The following CARD14 variants were observed in gnomAD, a reference collection of about 807,000 sequenced individuals.
The protein encoded by CARD14 is caspase recruitment domain-containing protein 14.
In CARD14, 107 loss-of-function variants were observed where a neutral mutation model predicts 111.5. That is an observed-to-expected ratio of 0.96 (90% CI 0.82 to 1.13). CARD14 has a LOEUF of 1.13. CARD14 is among the 50% of genes most tolerant of loss of function. The probability of loss-of-function intolerance (pLI) is 0.00; values close to 1 mark genes in which losing one functional copy is unlikely to be tolerated. For synonymous variants in CARD14, 617 were observed against 579.6 expected (o/e 1.06, Z -0.93); for missense variants, 1,322 against 1,362.3 (o/e 0.97, Z 0.47).
rs1269275079 is a variant in CARD14 at position 80,189,838 on chromosome 17, A to T, written c.929A>T (p.Glu310Val). 1 of 1,591,868 alleles carries T rather than the reference A, an allele frequency of 6.3e-7. No individual in the cohort carries two copies. The highest frequency in any genetic ancestry group is 1.7e-4 in the Middle Eastern group (1 of 5,966). The change falls in exon 9 of 24, where the codon GAG becomes GTG. Residue 310 changes from glutamate (E) to valine (V), a missense_variant. By Grantham distance (121) the Glu-to-Val change is moderately radical (BLOSUM62 -2). Transcript: ENST00000648509. This position sits in a 1 kb window ranked among gnomAD's most constrained non-coding sequence, Gnocchi z 4.7. ...ELVERIHSLR[E>V]RAVAAERQRE... ...GTGGAGCGCATCCACTCGCTGCGGG[A>T]GCGGGCCGTGGCTGCCGAGAGGCAG...
chr17:80,204,746 C>G (rs893613938), intron 20 of CARD14: 8 of 432,110 alleles, frequency 1.9e-5, no homozygotes, highest in African/African-American at 1.6e-4. Context: ...GGAAGAAAAC[C>G]CTGGCTTCCG....
In CARD14 at chr17:80,198,064, T is replaced by G; in HGVS notation, c.1595-35T>G. The G allele has an allele frequency of 6.2e-7, 1 of 1,610,572 alleles. No individual in the cohort carries two copies. The highest frequency in any genetic ancestry group is 8.5e-7 in the Non-Finnish European group (1 of 1,177,880). On this transcript the variant is annotated intron_variant, in intron 14 of 23. Coordinates refer to ENST00000648509, the MANE Select transcript of CARD14 (RefSeq NM_001366385.1). This position sits in a 1 kb window ranked among gnomAD's most constrained non-coding sequence, Gnocchi z 7.5. ...ACAGGACGCCCCATCAGCAGTGGGGTGACCAAGATCTGTGAGCTCTTGGCT... is the reference window on the plus strand; with the variant it reads ...ACAGGACGCCCCATCAGCAGTGGGGGGACCAAGATCTGTGAGCTCTTGGCT...
Position 80,181,501 on chromosome 17 carries a change from G to T in CARD14, c.63G>T (p.Glu21Asp). The T allele has an allele frequency of 6.3e-7, 1 of 1,588,458 alleles. No homozygotes were observed. The highest frequency in any genetic ancestry group is 1.7e-5 in the Admixed American group (1 of 57,160). The change falls in exon 5 of 24, where the codon GAG becomes GAT. Residue 21 changes from glutamate to aspartate, a missense_variant. Transcript: ENST00000648509. ...LTALDEETLW[E>D]MMESHRHRIV... ...CACTGGACGAGGAGACACTGTGGGA[G>T]ATGATGGAGAGCCACCGCCACAGGA... is the stretch of plus-strand genomic sequence containing the variant.
chr17:80,189,292 G>C lies in CARD14; in HGVS notation c.844-461G>C, dbSNP rs1448443371. 6.6e-6 allele frequency among the ~76,000 whole-genome samples: 1 copy of C among 152,150 alleles called. No homozygotes were observed. The highest frequency in any genetic ancestry group is 1.5e-5 in the Non-Finnish European group (1 of 68,026). On this transcript the variant is annotated intron_variant, in intron 8 of 23. Coordinates refer to ENST00000648509, the MANE Select transcript of CARD14 (RefSeq NM_001366385.1). This position sits in a 1 kb window ranked among gnomAD's most constrained non-coding sequence, Gnocchi z 4.7. ...CAACGACCCTTGGCGTCTCCTCCTC[G>C]GCCCCTCTCAGTAGATTGGTATTTA... is the stretch of plus-strand genomic sequence containing the variant.
chr17:80,199,164 A>G (rs2040840756), intron 16 of CARD14, among the ~76,000 whole-genome samples: 1 of 152,046 alleles, frequency 6.6e-6, no homozygotes, highest in Non-Finnish European at 1.5e-5. Flanking sequence ...GTTGTTACGA[A>G]ACGCACAAAA....
At chr17:80,176,188 C>T (rs2144100846) in intron 2 of CARD14, among the ~76,000 whole-genome samples, 1 of 148,890 alleles carries the variant, frequency 6.7e-6, no homozygotes, top group South Asian at 2.1e-4. Flanking sequence ...CTAGCACTTT[C>T]GGAGGCTGAG....
Position 80,182,656 on chromosome 17 carries a change from A to G in CARD14, c.215A>G (p.His72Arg). 6.2e-7 allele frequency: 1 copy of G among 1,613,976 alleles called. No individual in the cohort carries two copies. Among genetic ancestry groups the G allele is most frequent in the Non-Finnish European group, 8.5e-7 (1 of 1,179,976 alleles). Residue 72 changes from histidine to arginine, a missense_variant, in exon 6 of 24, where the codon CAC becomes CGC. Coordinates refer to ENST00000648509, the MANE Select transcript of CARD14 (RefSeq NM_001366385.1). This position sits in a 1 kb window ranked among gnomAD's most constrained non-coding sequence, Gnocchi z 4.7. ...RLTNSAMRAG[H>R]LLDLLKTRGK... ...ACAGACGGTTCTGCCTCCCAAGGGCACTTGCTGGATTTGCTGAAGACTCGA... is the reference window on the plus strand; with the variant it reads ...ACAGACGGTTCTGCCTCCCAAGGGCGCTTGCTGGATTTGCTGAAGACTCGA...
chr17:80,205,658 G>A lies in CARD14; in HGVS notation c.2691+6G>A. ...TGGAGTCCCTCATGGAAAAGGTGAG[G>A]TCAAGGGCGGGGTGGGCAGGGGAGC... On this transcript the variant is annotated splice_donor_region_variant and intron_variant, in intron 22 of 23. Coordinates refer to ENST00000648509, the MANE Select transcript of CARD14 (RefSeq NM_001366385.1). 1 of 1,497,156 alleles carries A rather than the reference G, an allele frequency of 6.7e-7. No homozygotes were observed. The highest frequency in any genetic ancestry group is 1.4e-5 in the African/African-American group (1 of 72,746). 92.7% of individuals were successfully genotyped at this position (1,497,156 alleles called of 1,614,324 possible). A position where few individuals can be genotyped will look rare whatever the true frequency, so the allele number is the denominator to read the frequency against.
In CARD14 at chr17:80,201,648, G is replaced by A. The variant is rs949565188; in HGVS notation, c.1852-96G>A. 1 of 1,331,194 alleles carries A rather than the reference G, an allele frequency of 7.5e-7. No individual in the cohort carries two copies. Among genetic ancestry groups the A allele is most frequent in the Non-Finnish European group, 1.1e-6 (1 of 929,300 alleles). 82.5% of individuals were successfully genotyped at this position (1,331,194 alleles called of 1,614,324 possible). Reference sequence around the variant, plus strand: ...AGGCAGTGGTCCTACGGCAGGGCTGGCCCGCGCCTCGCCTCAGTGCCCTCA... The same window carrying A: ...AGGCAGTGGTCCTACGGCAGGGCTGACCCGCGCCTCGCCTCAGTGCCCTCA... On this transcript the variant is annotated intron_variant, in intron 16 of 23. Transcript: ENST00000648509. The surrounding 1 kb of genome is among the most constrained non-coding windows in gnomAD (Gnocchi z 5.0).
chr17:80,179,331 G>A (rs11150847), intron 4 of CARD14, 30 bp downstream of exon 4: 65,577 of 151,946 alleles, frequency 0.43, 14,692 homozygotes, highest in Middle Eastern at 0.58. Flanking sequence ...TCATATCATT[G>A]AATCCAGTGC....
rs746358733 is a variant in CARD14, at chr17:80,205,587, G to A, written c.2626G>A (p.Glu876Lys). The part of the protein sequence containing the change: ...AWSQRGDIIQ[E>K]GEVSGGRCWV... The stretch of plus-strand genomic sequence containing the variant: ...GAGCCAGAGAGGGGACATCATCCAG[G>A]AGGGAGAGGTGTCCGGGGGCCGCTG... Residue 876 changes from glutamate (E) to lysine (K), a missense_variant, in exon 22 of 24, where the codon GAG (glutamate) becomes AAG (lysine). Glu to Lys is a moderately conservative substitution (Grantham distance 56). Transcript: ENST00000648509. The A allele has an allele frequency of 4.1e-5, 65 of 1,576,116 alleles. No individual in the cohort carries two copies. Among genetic ancestry groups the A allele is most frequent in the Non-Finnish European group, 5.4e-5 (63 of 1,160,330 alleles).
At position 80,209,240 on chromosome 17, in the gene CARD14, A is replaced by G. The variant is rs2041524828; in HGVS notation, c.*895A>G. On this transcript the variant is annotated 3_prime_UTR_variant, in exon 24 of 24. Coordinates refer to ENST00000648509, the MANE Select transcript of CARD14 (RefSeq NM_001366385.1). ...TTGACAGCAGTGTCCAAGAATCAGG[A>G]AGCTGTTCTAGAATTCAGGTTGGTA... 1 of 865,360 alleles carries G rather than the reference A, an allele frequency of 1.2e-6. No homozygotes were observed. Among genetic ancestry groups the G allele is most frequent in the Non-Finnish European group, 1.4e-6 (1 of 720,362 alleles). The allele number at this position is 865,360 out of a possible 1,614,324, so 53.6% of individuals were successfully genotyped here.
At chr17:80,171,442 C>T (rs545384977) in intron 1 of CARD14, among the ~76,000 whole-genome samples, 35 of 151,958 alleles carry the variant, frequency 2.3e-4, no homozygotes, top group Admixed American at 1.1e-3. Flanking sequence ...CCTTGGCCTC[C>T]AAAGTGCTGG....
chr17:80,177,556 A>T (rs976760540), intron 2 of CARD14, among the ~76,000 whole-genome samples: 1 of 152,114 alleles, frequency 6.6e-6, no homozygotes, highest in African/African-American at 2.4e-5. Context: ...TTAGCTGGGC[A>T]TGGTGGCATG....
chr17:80,189,790 C>G lies in CARD14; in HGVS notation c.881C>G (p.Ala294Gly). ...KDILEQSLDE[A>G]RGSRQELVER... Reference sequence around the variant, plus strand: ...ATTCTGGAGCAGAGCCTGGACGAGGCGCGGGGGAGCCGACAGGAGCTGGTG... The same window carrying G: ...ATTCTGGAGCAGAGCCTGGACGAGGGGCGGGGGAGCCGACAGGAGCTGGTG... The change falls in exon 9 of 24, where the codon GCG (alanine) becomes GGG (glycine). Residue 294 changes from alanine to glycine, a missense_variant. Ala to Gly is a moderately conservative substitution (Grantham distance 60). Transcript: ENST00000648509. This position sits in a 1 kb window ranked among gnomAD's most constrained non-coding sequence, Gnocchi z 4.7. The G allele has an allele frequency of 6.3e-7, 1 of 1,585,902 alleles. No individual in the cohort carries two copies. Among genetic ancestry groups the G allele is most frequent in the Non-Finnish European group, 8.5e-7 (1 of 1,170,208 alleles).
At position 80,202,576 on chromosome 17, in the gene CARD14, GTTGT is replaced by G. The variant is rs1261899787; in HGVS notation, c.2219+159_2219+162del. ...GCCTGCCAAGATCACTGCTGAAGAT[GTTGT>G]TTCTTTGTGATGGATGCTTTATATA... On this transcript the variant is annotated intron_variant, in intron 18 of 23. Transcript: ENST00000648509. 2.1e-6 allele frequency: 3 copies of G among 1,437,418 alleles called. No individual in the cohort carries two copies. In the African/African-American group the frequency reaches 4.3e-5, roughly 21 times the overall value. 89.0% of individuals were successfully genotyped at this position (1,437,418 alleles called of 1,614,324 possible). A position where few individuals can be genotyped will look rare whatever the true frequency, so the allele number is the denominator to read the frequency against.
At position 80,184,198 on chromosome 17, in the gene CARD14, A is replaced by C; in HGVS notation, c.635A>C (p.Lys212Thr). ...CACTATAGCAATGCGCTGCAGGAGA[A>C]GGAGCTGGCCGCCTCACGCTGCCGC... ...SLHYSNALQE[K>T]ELAASRCRSL... Residue 212 changes from lysine (K) to threonine (T), a missense_variant, in exon 7 of 24, where the codon AAG becomes ACG. Physicochemically the swap from Lys to Thr is moderately conservative, Grantham distance 78. Transcript: ENST00000648509. The C allele has an allele frequency of 6.4e-7, 1 of 1,553,566 alleles. No individual in the cohort carries two copies. Among genetic ancestry groups the C allele is most frequent in the Non-Finnish European group, 8.7e-7 (1 of 1,148,482 alleles).
chr17:80,193,056 C>T (rs1004665702), intron 12 of CARD14, among the ~76,000 whole-genome samples: 21 of 152,096 alleles, frequency 1.4e-4, no homozygotes, highest in Admixed American at 4.6e-4. Flanking sequence ...GGCCCTATTG[C>T]GAGAGTTTTA....
intron 2 of CARD14, 72 bp downstream of exon 2, chr17:80,173,300 A>G (rs1204344913): frequency 1.1e-5 from 1 of 89,680 alleles, no homozygotes; most frequent in Non-Finnish European, 2.2e-5. Flanking sequence ...TCTCTCATGC[A>G]CACACACACA....
Sources: allele counts gnomAD v4.1 joint callset (sites outside exome capture counted in the v4.1 genomes callset), GRCh38; gene constraint gnomAD v4.1.1; non-coding constraint Gnocchi (gnomAD v3.1); transcripts MANE v1.5; gene names NCBI Gene and HGNC (gene_info 2026-07-23, HGNC 2026-07-21).